The following MGAM variants were observed in gnomAD, a reference collection of about 807,000 sequenced individuals.
The protein encoded by MGAM is alpha-1,4-glucosidase.
In MGAM, 253 loss-of-function variants were observed where a neutral mutation model predicts 358.8. The observed-to-expected ratio is 0.71, with a 90% CI of 0.64 to 0.78. The LOEUF (loss-of-function observed/expected upper bound fraction) is 0.78, where lower values mean the gene tolerates loss of function less well. Among genes scored for constraint, MGAM ranks in the 30% least tolerant of loss-of-function variants. The pLI, the probability that MGAM is intolerant of heterozygous loss-of-function variation, is 0.00. For missense variants in MGAM, 3,080 were observed against 3,432.6 expected (o/e 0.90, Z 2.57); for synonymous variants, 1,105 against 1,227.1 (o/e 0.90, Z 2.08).
At chr7:141,992,822 ATCT>A (rs782715867), upstream of MGAM, among the ~76,000 whole-genome samples, 3 of 152,024 alleles carry the variant, frequency 2.0e-5, no homozygotes, top group Admixed American at 6.6e-5. Flanking sequence ...GGCTCAAGTG[ATCT>A]TCTCGTCTTG....
chr7:142,009,580 T>G (rs1403166560), intron 3 of MGAM, among the ~76,000 whole-genome samples: 1 of 152,164 alleles, frequency 6.6e-6, no homozygotes, highest in Non-Finnish European at 1.5e-5. Context: ...CATAGTAATG[T>G]TTCTTTGGTG....
chr7:142,103,379 C>T lies in MGAM; in HGVS notation c.8124C>T (p.Val2708=). The T allele has an allele frequency of 1.2e-6, 2 of 1,613,158 alleles. No individual in the cohort carries two copies. The highest frequency in any genetic ancestry group is 4.5e-5 in the East Asian group (2 of 44,840). Reference sequence around the variant, plus strand: ...TGGGCAGTGTCCCCGTTACCAGTGTCAGCATCTCTGTGAGTGGCATGGTCA... The same window carrying T: ...TGGGCAGTGTCCCCGTTACCAGTGTTAGCATCTCTGTGAGTGGCATGGTCA... ...WGVGSVPVTS[V]SISVSGMVIT... is the part of the protein sequence containing the mutation. Residue 2708 remains valine (V), a synonymous_variant, in exon 70 of 71, where the codon GTC becomes GTT. Transcript: ENST00000475668.
intron 21 of MGAM, among the ~76,000 whole-genome samples, chr7:142,042,977 A>G (rs1276463978): frequency 1.3e-4 from 10 of 75,624 alleles, no homozygotes; most frequent in Non-Finnish European, 2.2e-4. Flanking sequence ...TAAATATAAT[A>G]TATATATTAT....
chr7:142,066,478 G>T, intron 40 of MGAM, 95 bp from the exon 41 acceptor site: 1 of 1,363,710 alleles, frequency 7.3e-7, no homozygotes, highest in Non-Finnish European at 1.0e-6. Context: ...GTTTAGCTGT[G>T]AGTGATCTTC....
Position 142,075,436 on chromosome 7 carries a change from C to T in MGAM, c.5276-767C>T, listed in dbSNP as rs367782879. 1.0e-4 allele frequency among the ~76,000 whole-genome samples: 15 copies of T among 146,382 alleles called. 1 individual carries two copies. Among genetic ancestry groups the T allele is most frequent in the African/African-American group, 3.2e-4 (13 of 41,218 alleles). Reference sequence around the variant, plus strand: ...GGCAAAATGCCAAAAAGTAAACAGGCGTGACTACATCAAACTAAAAGGCTC... The same window carrying T: ...GGCAAAATGCCAAAAAGTAAACAGGTGTGACTACATCAAACTAAAAGGCTC... On this transcript the variant is annotated intron_variant, in intron 45 of 70. Coordinates refer to ENST00000475668, the MANE Select transcript of MGAM (RefSeq NM_001365693.1).
chr7:141,993,021 G>A (rs1346297642), upstream of MGAM, among the ~76,000 whole-genome samples: 1 of 152,188 alleles, frequency 6.6e-6, no homozygotes, highest in Admixed American at 6.5e-5. Context: ...TTCACTGATG[G>A]TTCATGAAAT....
Position 142,059,484 on chromosome 7 carries a change from T to A in MGAM, c.3832T>A (p.Ser1278Thr), listed in dbSNP as rs1315842027. 1 of 1,610,570 alleles carries A rather than the reference T, an allele frequency of 6.2e-7. No homozygotes were observed. Among genetic ancestry groups the A allele is most frequent in the Non-Finnish European group, 8.5e-7 (1 of 1,177,510 alleles). Residue 1278 changes from serine to threonine, a missense_variant, in exon 32 of 71, where the codon TCA becomes ACA. Physicochemically the swap from Ser to Thr is moderately conservative, Grantham distance 58 (BLOSUM62 1). Around this residue, in one of 5 missense-constraint regions of MGAM, gnomAD observed 1,816 missense variants for 1,840.5 expected, o/e 0.99. Coordinates refer to ENST00000475668, the MANE Select transcript of MGAM (RefSeq NM_001365693.1). ...TGTCCTCCCGCAGGATGTGCAGTAC[T>A]CAGACATCGACTACATGGAGCGGCA... is the stretch of plus-strand genomic sequence containing the variant. ...AAQIPYDVQY[S>T]DIDYMERQLD...
chr7:142,064,313 G>A (rs2129042726), intron 36 of MGAM, 71 bp from the exon 37 acceptor site: 1 of 1,552,590 alleles, frequency 6.4e-7, no homozygotes, highest in South Asian at 1.2e-5. Context: ...CCAGGGCCCA[G>A]TCCCTTGAAG....
At position 142,086,294 on chromosome 7, in the gene MGAM, A is replaced by G. The variant is rs1365758315; in HGVS notation, c.6713A>G (p.Lys2238Arg). The G allele has an allele frequency of 6.5e-7, 1 of 1,541,140 alleles. No individual in the cohort carries two copies. The highest frequency in any genetic ancestry group is 1.3e-5 in the African/African-American group (1 of 74,288). ...GGCGTGGAGGATGACGTCTTCATCA[A>G]GTACCCAAATGATGGAGACATTGTC... ...TRGVEDDVFI[K>R]YPNDGDIVWG... The change falls in exon 56 of 71, where the codon AAG (lysine) becomes AGG (arginine). Residue 2238 changes from lysine to arginine, a missense_variant. Transcript: ENST00000475668.
chr7:142,102,891 A>G (rs1347133576), intron 69 of MGAM, among the ~76,000 whole-genome samples: 1 of 152,226 alleles, frequency 6.6e-6, no homozygotes, highest in Non-Finnish European at 1.5e-5. Flanking sequence ...AGTAATGATC[A>G]TTATTCTAGT....
intron 1 of MGAM, among the ~76,000 whole-genome samples, chr7:142,005,321 A>G (rs956528257): frequency 6.6e-6 from 1 of 152,096 alleles, no homozygotes; most frequent in Non-Finnish European, 1.5e-5. Flanking sequence ...GATTTGTTTC[A>G]AAGTAATTCA....
At chr7:142,008,257 G>A (rs1805320297) in intron 2 of MGAM, among the ~76,000 whole-genome samples, 1 of 152,192 alleles carries the variant, frequency 6.6e-6, no homozygotes, top group South Asian at 2.1e-4. Context: ...TAAAGGCGGA[G>A]TCCTTGCTCT....
chr7:142,013,469 A>T (rs1167726245), intron 3 of MGAM, among the ~76,000 whole-genome samples: 1 of 151,828 alleles, frequency 6.6e-6, no homozygotes, highest in African/African-American at 2.4e-5. Context: ...CTTTTTTTTT[A>T]AATCTTAGAT....
At position 142,064,101 on chromosome 7, in the gene MGAM, A is replaced by C. The variant is rs114896969; in HGVS notation, c.4346-283A>C. On this transcript the variant is annotated intron_variant, in intron 36 of 70. Transcript: ENST00000475668. Reference sequence around the variant, plus strand: ...ATCTTCTTCATAGAATTATGGAAATAATTGGAAGTCAAAAGCCTAAATCAG... The same window carrying C: ...ATCTTCTTCATAGAATTATGGAAATCATTGGAAGTCAAAAGCCTAAATCAG... Among the ~76,000 whole-genome samples, 261 of 152,348 alleles carry C rather than the reference A, an allele frequency of 1.7e-3. 2 individuals carry two copies. The highest frequency in any genetic ancestry group is 5.7e-3 in the African/African-American group (237 of 41,596).
chr7:142,024,541 G>A (rs1467942561), intron 7 of MGAM, among the ~76,000 whole-genome samples: 4 of 152,138 alleles, frequency 2.6e-5, no homozygotes, highest in Admixed American at 2.0e-4. Flanking sequence ...GTTACCTGGG[G>A]AAGTTAAAAA....
At chr7:142,009,312 T>C (rs1041495724) in intron 3 of MGAM, among the ~76,000 whole-genome samples, 2 of 152,220 alleles carry the variant, frequency 1.3e-5, no homozygotes, top group Admixed American at 6.5e-5. Context: ...CTGATTATGA[T>C]GATTATAAAG....
In MGAM at chr7:142,062,457, T is replaced by C. The variant is rs192570177; in HGVS notation, c.4123-111T>C. ...AACATTATTTAGGCCCTGTTCAGGCTGTCTGTCACCATGCAGTTGAAGTAT... is the reference window on the plus strand; with the variant it reads ...AACATTATTTAGGCCCTGTTCAGGCCGTCTGTCACCATGCAGTTGAAGTAT... On this transcript the variant is annotated intron_variant, in intron 34 of 70. Coordinates refer to ENST00000475668, the MANE Select transcript of MGAM (RefSeq NM_001365693.1). The C allele has an allele frequency of 6.9e-4, 951 of 1,383,158 alleles. 3 individuals carry two copies. Among genetic ancestry groups the C allele is most frequent in the East Asian group, 6.2e-3 (254 of 40,982 alleles). The allele number at this position is 1,383,158 out of a possible 1,614,324, so 85.7% of individuals were successfully genotyped here. A position where few individuals can be genotyped will look rare whatever the true frequency, so the allele number is the denominator to read the frequency against.
chr7:142,004,125 TG>T (rs1209687771), intron 1 of MGAM, among the ~76,000 whole-genome samples: 1 of 151,864 alleles, frequency 6.6e-6, no homozygotes, highest in Non-Finnish European at 1.5e-5. Flanking sequence ...CTATAGAAAA[TG>T]GTATGGAGAT....
rs1814609450 is a variant in MGAM, at chr7:142,084,744, A to G, written c.6507+100A>G. On this transcript the variant is annotated intron_variant, in intron 54 of 70. Coordinates refer to ENST00000475668, the MANE Select transcript of MGAM (RefSeq NM_001365693.1). ...GTTTGTGAGATTCTATAAAGACATA[A>G]TGTTCTTTTTCAGACAATATCACAG... 6 of 1,422,548 alleles carry G rather than the reference A, an allele frequency of 4.2e-6. 1 individual carries two copies. Among genetic ancestry groups the G allele is most frequent in the Non-Finnish European group, 5.8e-6 (6 of 1,041,510 alleles). The allele number at this position is 1,422,548 out of a possible 1,614,324, so 88.1% of individuals were successfully genotyped here. A position where few individuals can be genotyped will look rare whatever the true frequency, so the allele number is the denominator to read the frequency against.
Sources: gnomAD v4.1 joint callset for allele counts (sites outside exome capture counted in the v4.1 genomes callset) on GRCh38, gnomAD v4.1.1 for gene constraint, gnomAD v4.1.1 regional missense constraint, MANE v1.5 for transcripts, NCBI Gene and HGNC (gene_info 2026-07-23, HGNC 2026-07-21) for gene names.